Variants in TRPM8 observed in about 807,000 individuals in gnomAD.
TRPM8 encodes the protein transient receptor potential cation channel subfamily M member 8.
A neutral mutation model predicts 133.7 loss-of-function variants in TRPM8; 110 were observed. The ratio of observed to expected loss-of-function variants is 0.82; its 90% CI spans 0.70 to 0.96. The LOEUF (loss-of-function observed/expected upper bound fraction) is 0.96, where lower values mean the gene tolerates loss of function less well. Ranked by LOEUF, TRPM8 falls within the 40% of genes least tolerant of loss-of-function variation. TRPM8 has a pLI of 0.00. For synonymous variants in TRPM8, 535 were observed against 532.3 expected (o/e 1.01, Z -0.07); for missense variants, 1,291 against 1,379.5 (o/e 0.94, Z 1.02).
chr2:233,997,393 G>T (rs1692435807), intron 22 of TRPM8, among the ~76,000 whole-genome samples: 1 of 152,200 alleles, frequency 6.6e-6, no homozygotes, highest in South Asian at 2.1e-4. Context: ...GAGCCGTCAG[G>T]GAGGGTCGGC....
chr2:233,939,440 T>C (rs554050137), intron 5 of TRPM8, among the ~76,000 whole-genome samples: 1 of 152,346 alleles, frequency 6.6e-6, no homozygotes, highest in South Asian at 2.1e-4. Context: ...AAGATTTTCA[T>C]TTTGTTATTA....
At chr2:233,927,740 T>G (rs1422795131) in intron 2 of TRPM8, among the ~76,000 whole-genome samples, 1 of 60,578 alleles carries the variant, frequency 1.7e-5, no homozygotes, top group East Asian at 1.1e-3. Flanking sequence ...CTTTCTTTCT[T>G]TCTTTCTTTC....
intron 24 of TRPM8, among the ~76,000 whole-genome samples, chr2:234,011,845 A>T (rs1692846371): frequency 2.1e-5 from 3 of 141,042 alleles, no homozygotes; most frequent in African/African-American, 8.0e-5. Context: ...TGAACCTGGG[A>T]GGCAGAGCTT....
intron 17 of TRPM8, among the ~76,000 whole-genome samples, chr2:233,978,883 C>T (rs868412201): frequency 6.6e-6 from 1 of 152,040 alleles, no homozygotes; most frequent in African/African-American, 2.4e-5. Flanking sequence ...AGTTGCTATT[C>T]GAATTTATAA....
At chr2:233,991,756 T>C (rs1178892487) in intron 21 of TRPM8, among the ~76,000 whole-genome samples, 1 of 152,248 alleles carries the variant, frequency 6.6e-6, no homozygotes, top group East Asian at 1.9e-4. Context: ...TATTTTTTTC[T>C]TTTAGGCGTT....
chr2:233,963,326 C>G lies in TRPM8; in HGVS notation c.1698C>G (p.Ile566Met), dbSNP rs377499850. The change falls in exon 13 of 26, where the codon ATC becomes ATG. Residue 566 changes from isoleucine (I) to methionine (M), a missense_variant. Ile to Met is a conservative substitution (Grantham distance 10). This residue lies in a region of TRPM8 where 963 missense variants were observed against 968.9 expected (regional missense o/e 0.99). Coordinates refer to ENST00000324695, the MANE Select transcript of TRPM8 (RefSeq NM_024080.5). ...GGCACCCCCTGCAAGCTCTCTTCAT[C>G]TGGGCCATTCTTCAGAATAAGAAGG... ...ITRHPLQALF[I>M]WAILQNKKEL... 1.2e-6 allele frequency: 2 copies of G among 1,613,482 alleles called. No individual in the cohort carries two copies. Among genetic ancestry groups the G allele is most frequent in the African/African-American group, 1.3e-5 (1 of 74,912 alleles).
Position 233,985,716 on chromosome 2 carries a change from C to T in TRPM8, c.2790C>T (p.Thr930=). 3 of 1,614,168 alleles carry T rather than the reference C, an allele frequency of 1.9e-6. No homozygotes were observed. Among genetic ancestry groups the T allele is most frequent in the Non-Finnish European group, 2.5e-6 (3 of 1,180,018 alleles). The change falls in exon 21 of 26, where the codon ACC becomes ACT. Residue 930 remains threonine (T), a synonymous_variant. Transcript: ENST00000324695. ...CCACGTATGACTTTGCCCACTGCAC[C>T]TTCACTGGGAATGAGTCCAAGCCAC... ...DGTTYDFAHC[T]FTGNESKPLC...
In TRPM8 at chr2:233,989,670, C is replaced by T. The variant is rs575195141; in HGVS notation, c.2939+3805C>T. ...AAAGCTTAACCATACACAATGGCAACCTTATTAACTGCAATGCAAATGTAC... is the reference window on the plus strand; with the variant it reads ...AAAGCTTAACCATACACAATGGCAATCTTATTAACTGCAATGCAAATGTAC... On this transcript the variant is annotated intron_variant, in intron 21 of 25. Transcript: ENST00000324695. The surrounding 1 kb of genome is among the most constrained non-coding windows in gnomAD (Gnocchi z 4.2). Among the ~76,000 whole-genome samples the T allele has an allele frequency of 1.3e-5, 2 of 152,266 alleles. No individual in the cohort carries two copies. The highest frequency in any genetic ancestry group is 4.8e-5 in the African/African-American group (2 of 41,546).
chr2:233,925,040 C>T (rs1161216947), intron 1 of TRPM8, among the ~76,000 whole-genome samples: 2 of 152,206 alleles, frequency 1.3e-5, no homozygotes, highest in East Asian at 1.9e-4. Flanking sequence ...CTGGGAGGGG[C>T]GATCTGGATG....
rs767277202 is a variant in TRPM8, at chr2:233,947,557, C to A, written c.942+402C>A. On this transcript the variant is annotated intron_variant, in intron 8 of 25. Coordinates refer to ENST00000324695, the MANE Select transcript of TRPM8 (RefSeq NM_024080.5). ...AGATGTTTCCAGACCACCTAAGGCC[C>A]ATTTATATGCCACCTGGGGATGCAG... The A allele has an allele frequency of 2.3e-6, 3 of 1,293,660 alleles. No homozygotes were observed. In the South Asian group the frequency reaches 3.7e-5, roughly 16 times the overall value. 80.1% of individuals were successfully genotyped at this position (1,293,660 alleles called of 1,614,324 possible).
In TRPM8 at chr2:233,954,010, C is replaced by T. The variant is rs1311212084; in HGVS notation, c.1234C>T (p.Leu412=). ...EIVSNAISYA[L]YKAFSTSEQD... Reference sequence around the variant, plus strand: ...TGTGAGCAATGCCATCTCCTACGCTCTATACAAAGGTGAGTAAAAATAGCT... The same window carrying T: ...TGTGAGCAATGCCATCTCCTACGCTTTATACAAAGGTGAGTAAAAATAGCT... The change falls in exon 10 of 26, where the codon CTA becomes TTA. Residue 412 remains leucine, a synonymous_variant. Coordinates refer to ENST00000324695, the MANE Select transcript of TRPM8 (RefSeq NM_024080.5). 6 of 1,611,950 alleles carry T rather than the reference C, an allele frequency of 3.7e-6. No homozygotes were observed. Among genetic ancestry groups the T allele is most frequent in the Non-Finnish European group, 5.1e-6 (6 of 1,178,832 alleles).
At position 233,927,761 on chromosome 2, in the gene TRPM8, T is replaced by C. The variant is rs574063896; in HGVS notation, c.117+1107T>C. Among the ~76,000 whole-genome samples, 230 of 69,948 alleles carry C rather than the reference T, an allele frequency of 3.3e-3. 1 individual carries two copies. The highest frequency in any genetic ancestry group is 0.017 in the African/African-American group (91 of 5,370). The allele number at this position is 69,948 out of a possible 152,430, so 45.9% of individuals were successfully genotyped here. A position where few individuals can be genotyped will look rare whatever the true frequency, so the allele number is the denominator to read the frequency against. ...TTCTTTCTTTCTTTCTTTCTTTCTT[T>C]CTTTCTTTCTTTCTTTCTTTCTTTC... On this transcript the variant is annotated intron_variant, in intron 2 of 25. Coordinates refer to ENST00000324695, the MANE Select transcript of TRPM8 (RefSeq NM_024080.5).
At chr2:233,964,585 A>G (rs759828619) in intron 13 of TRPM8, 43 bp from the exon 14 acceptor site, 38 of 1,397,276 alleles carry the variant, frequency 2.7e-5, no homozygotes, top group Non-Finnish European at 3.5e-5. Flanking sequence ...AAAGAAAAGG[A>G]AAAAAAAGAA....
chr2:234,016,968 T>A (rs1310332190), intron 25 of TRPM8, among the ~76,000 whole-genome samples: 2 of 152,206 alleles, frequency 1.3e-5, no homozygotes, highest in African/African-American at 2.4e-5. Flanking sequence ...ATTCAGTTTT[T>A]AAAAATTTAT....
intron 22 of TRPM8, among the ~76,000 whole-genome samples, chr2:234,001,337 G>A (rs1310885065): frequency 6.6e-5 from 10 of 152,118 alleles, no homozygotes; most frequent in African/African-American, 2.4e-4. Context: ...TCAATATGCC[G>A]TGGTGCCATA....
At chr2:233,982,707 G>A (rs982456582) in intron 19 of TRPM8, among the ~76,000 whole-genome samples, 13 of 152,220 alleles carry the variant, frequency 8.5e-5, no homozygotes, top group Non-Finnish European at 1.6e-4. Flanking sequence ...GGTTAAAAGT[G>A]TATCAAAATC....
Position 234,014,669 on chromosome 2 carries a change from T to C in TRPM8, c.*42+15T>C. The C allele has an allele frequency of 7.3e-6, 7 of 964,226 alleles. No individual in the cohort carries two copies. The highest frequency in any genetic ancestry group is 1.1e-5 in the Non-Finnish European group (7 of 650,738). 59.7% of individuals were successfully genotyped at this position (964,226 alleles called of 1,614,324 possible). On this transcript the variant is annotated intron_variant, in intron 25 of 25. Transcript: ENST00000324695. The stretch of plus-strand genomic sequence containing the variant: ...ATTATAGCAAGGTGAGTCATTCTAA[T>C]AGCTTTTTACTTTGCTCTGAAGATT...
chr2:233,924,355 G>A (rs149489841), intron 1 of TRPM8, among the ~76,000 whole-genome samples: 1 of 152,102 alleles, frequency 6.6e-6, no homozygotes, highest in Non-Finnish European at 1.5e-5. Context: ...CTCTTTCAGG[G>A]GCATCTCCTT....
chr2:233,975,014 A>G (rs1691833069), intron 17 of TRPM8, among the ~76,000 whole-genome samples: 1 of 152,184 alleles, frequency 6.6e-6, no homozygotes, highest in Non-Finnish European at 1.5e-5. Context: ...GGTTATTTAG[A>G]GAATAAGAGG....
Sources: gnomAD v4.1 joint callset for allele counts (sites outside exome capture counted in the v4.1 genomes callset) on GRCh38, gnomAD v4.1.1 for gene constraint, gnomAD v4.1.1 regional missense constraint, Gnocchi (gnomAD v3.1) non-coding constraint, MANE v1.5 for transcripts, NCBI Gene and HGNC (gene_info 2026-07-23, HGNC 2026-07-21) for gene names.